Variants in NF1 observed in about 807,000 individuals in gnomAD.
NF1 encodes neurofibromin 1.
Under a neutral mutation model 325.7 loss-of-function variants are expected in NF1, and 122 were observed. That is an observed-to-expected ratio of 0.37 (90% CI 0.32 to 0.44). The LOEUF (loss-of-function observed/expected upper bound fraction) is 0.44. Among genes scored for constraint, NF1 ranks in the 20% least tolerant of loss-of-function variants. The pLI, the probability that NF1 is intolerant of heterozygous loss-of-function variation, is 1.00. For synonymous variants in NF1, 1,091 were observed against 1,186.0 expected, an observed-to-expected ratio of 0.92 and a Z score of 1.65; for missense variants, 2,140 against 3,415.4, an observed-to-expected ratio of 0.63 and a Z score of 9.31.
chr17:31,341,836 A>G (rs1470580983), intron 47 of NF1, among the ~76,000 whole-genome samples: 1 of 152,120 alleles, frequency 6.6e-6, no homozygotes, highest in Non-Finnish European at 1.5e-5. Flanking sequence ...AGAGAATAAA[A>G]TAGTATGAAA....
chr17:31,169,454 C>T (rs1684935645), intron 4 of NF1, among the ~76,000 whole-genome samples: 1 of 152,024 alleles, frequency 6.6e-6, no homozygotes, highest in Non-Finnish European at 1.5e-5. Flanking sequence ...ATATTTATTG[C>T]CTTATTTTTA....
chr17:31,252,706 G>C, intron 30 of NF1: 1 of 509,358 alleles, frequency 2.0e-6, no homozygotes, highest in Non-Finnish European at 3.5e-6. Flanking sequence ...AGAAATAGTA[G>C]ACATGATTGG....
intron 1 of NF1, among the ~76,000 whole-genome samples, chr17:31,130,670 A>T (rs1228770029): frequency 1.3e-5 from 2 of 151,986 alleles, no homozygotes; most frequent in African/African-American, 2.4e-5. Flanking sequence ...TGGGCTCTGT[A>T]CCTGCCAGTG....
intron 36 of NF1, among the ~76,000 whole-genome samples, chr17:31,270,778 T>G (rs2067879247): frequency 1.3e-5 from 2 of 152,204 alleles, no homozygotes; most frequent in Non-Finnish European, 2.9e-5. Flanking sequence ...CTGTGCATAT[T>G]ACATAATTTC....
intron 56 of NF1, chr17:31,360,281 A>G: frequency 3.4e-6 from 2 of 583,674 alleles, no homozygotes; most frequent in Non-Finnish European, 6.1e-6. Flanking sequence ...ATGCAGGTTC[A>G]TCTGGAAGCT....
chr17:31,138,988 A>T (rs989592868), intron 1 of NF1, among the ~76,000 whole-genome samples: 1 of 151,494 alleles, frequency 6.6e-6, no homozygotes, highest in African/African-American at 2.4e-5. Flanking sequence ...TTTTTCTTTC[A>T]TGTTAATAAG....
chr17:31,200,058 C>T (rs962477275), intron 8 of NF1, among the ~76,000 whole-genome samples: 6 of 151,652 alleles, frequency 4.0e-5, no homozygotes, highest in Admixed American at 1.3e-4. Flanking sequence ...ATCGCTTGAC[C>T]CTGGGAGGCA....
chr17:31,287,987 C>G (rs987740995), intron 36 of NF1, among the ~76,000 whole-genome samples: 7 of 150,052 alleles, frequency 4.7e-5, no homozygotes, highest in African/African-American at 1.5e-4. Flanking sequence ...TGCTAGATGA[C>G]GAGTTAGTGG....
intron 37 of NF1, 110 bp downstream of exon 37, chr17:31,326,362 C>A: frequency 1.8e-6 from 2 of 1,117,748 alleles, no homozygotes; most frequent in South Asian, 2.7e-5. Context: ...TAAAATGTCA[C>A]GTAAGGCTGT....
At chr17:31,227,327 G>A (rs750753458) in intron 19 of NF1, 36 bp downstream of exon 19, 18 of 1,603,042 alleles carry the variant, frequency 1.1e-5, no homozygotes, top group East Asian at 8.9e-5. Context: ...CCTCCCAGGC[G>A]CCCACCCTCA....
intron 1 of NF1, among the ~76,000 whole-genome samples, chr17:31,104,111 A>T (rs1430758269): frequency 1.3e-5 from 2 of 152,132 alleles, no homozygotes; most frequent in Non-Finnish European, 2.9e-5. Context: ...TTGTCCTTAA[A>T]CAAAAGTTTA....
rs922116262 is a variant in NF1, at chr17:31,367,591, G to A, written c.8378-6422G>A. ...AGTTAATAGAGAAAGAGCAGAATAC[G>A]TGGTTTGATGAAGTTTTTTTAGCTT... On this transcript the variant is annotated intron_variant, in intron 57 of 57. Coordinates refer to ENST00000358273, the MANE Select transcript of NF1 (RefSeq NM_001042492.3). Among the ~76,000 whole-genome samples the A allele has an allele frequency of 3.3e-5, 5 of 152,158 alleles. 1 individual carries two copies. The highest frequency in any genetic ancestry group is 4.1e-4 in the South Asian group (2 of 4,828).
At chr17:31,220,792 T>C (rs2066908143) in intron 14 of NF1, among the ~76,000 whole-genome samples, 1 of 152,116 alleles carries the variant, frequency 6.6e-6, no homozygotes, top group East Asian at 1.9e-4. Context: ...TAAAGTTTTA[T>C]CAAACAAAAA....
intron 1 of NF1, among the ~76,000 whole-genome samples, chr17:31,132,818 C>T (rs1352394475): frequency 6.6e-6 from 1 of 152,054 alleles, no homozygotes; most frequent in Non-Finnish European, 1.5e-5. Flanking sequence ...AGGCGCTCGC[C>T]ACCATGCCCG....
At chr17:31,140,393 A>G (rs995950556) in intron 1 of NF1, among the ~76,000 whole-genome samples, 8 of 152,206 alleles carry the variant, frequency 5.3e-5, no homozygotes, top group African/African-American at 1.9e-4. Flanking sequence ...GTGCTCAGTA[A>G]GTGCTAATTA....
At chr17:31,290,193 A>G (rs2151493534) in intron 36 of NF1, among the ~76,000 whole-genome samples, 1 of 152,236 alleles carries the variant, frequency 6.6e-6, no homozygotes, top group Middle Eastern at 3.4e-3. Context: ...GTATAGACCA[A>G]TCTATTGATA....
intron 20 of NF1, 146 bp from the exon 21 acceptor site, chr17:31,228,879 A>G (rs545867286): frequency 3.6e-5 from 23 of 640,404 alleles, no homozygotes; most frequent in Middle Eastern, 4.4e-4. Context: ...TTAAAAATGT[A>G]TATGGTAATT....
chr17:31,183,481 T>A (rs2066175587), intron 8 of NF1: 1 of 152,138 alleles, frequency 6.6e-6, no homozygotes, highest in Admixed American at 6.5e-5. Context: ...TCCTTGAGAG[T>A]CTGTGATTGC....
At position 31,337,894 on chromosome 17, in the gene NF1, T is replaced by G. The variant is rs200051331; in HGVS notation, c.6704+14T>G. On this transcript the variant is annotated intron_variant, in intron 44 of 57. Transcript: ENST00000358273. Reference sequence around the variant, plus strand: ...ACTAGCTCAAAGGTATGTCCTAAATTAAATATAAGTTGTAAAAATATGCAT... The same window carrying G: ...ACTAGCTCAAAGGTATGTCCTAAATGAAATATAAGTTGTAAAAATATGCAT... 1 of 1,611,162 alleles carries G rather than the reference T, an allele frequency of 6.2e-7. No homozygotes were observed. Among genetic ancestry groups the G allele is most frequent in the Non-Finnish European group, 8.5e-7 (1 of 1,177,554 alleles).
Sources: gnomAD v4.1 joint callset for allele counts (sites outside exome capture counted in the v4.1 genomes callset) on GRCh38, gnomAD v4.1.1 for gene constraint, MANE v1.5 for transcripts, NCBI Gene and HGNC (gene_info 2026-07-23, HGNC 2026-07-21) for gene names.